NBEA: variants seen among roughly 807,000 people sequenced by gnomAD.
NBEA encodes the protein neurobeachin, also known as lysosomal-trafficking regulator 2.
NBEA carries 44 observed loss-of-function variants against 343.4 expected under a neutral mutation model. The observed-to-expected ratio is 0.13, with a 90% confidence interval of 0.10 to 0.16. The LOEUF (loss-of-function observed/expected upper bound fraction) is 0.16. Among genes scored for constraint, NBEA ranks in the 10% least tolerant of loss-of-function variants. The pLI, the probability that NBEA is intolerant of heterozygous loss-of-function variation, is 1.00. For synonymous variants in NBEA, 1,175 were observed against 1,238.7 expected (o/e 0.95, Z 1.08); for missense variants, 2,555 against 3,631.3 (o/e 0.70, Z 7.62).
chr13:35,030,080 C>T (rs1452848812), intron 1 of NBEA, among the ~76,000 whole-genome samples: 1 of 151,640 alleles, frequency 6.6e-6, no homozygotes, highest in East Asian at 1.9e-4. Context: ...TATATATGGT[C>T]ACAGTGATTT....
intron 49 of NBEA, among the ~76,000 whole-genome samples, chr13:35,634,175 T>A (rs531242002): frequency 1.3e-5 from 2 of 152,186 alleles, no homozygotes; most frequent in East Asian, 3.9e-4. Context: ...AAACCCCATC[T>A]CTACTAAAAA....
At chr13:35,195,408 GT>G (rs1481947302) in intron 30 of NBEA, among the ~76,000 whole-genome samples, 1 of 146,242 alleles carries the variant, frequency 6.8e-6, no homozygotes, top group Non-Finnish European at 1.5e-5. Context: ...TTTTTTTTTT[GT>G]TTTTTTGAGA....
chr13:35,233,648 G>T (rs555821205), intron 34 of NBEA, among the ~76,000 whole-genome samples: 2 of 152,126 alleles, frequency 1.3e-5, no homozygotes, highest in African/African-American at 2.4e-5. Flanking sequence ...GTTTCCAAAA[G>T]TACTGAGTTC....
chr13:35,457,540 A>G (rs1182583125), intron 40 of NBEA, among the ~76,000 whole-genome samples: 1 of 152,204 alleles, frequency 6.6e-6, no homozygotes, highest in African/African-American at 2.4e-5. Flanking sequence ...AATCATAGAT[A>G]GACTTTAGTG....
chr13:35,022,334 C>T (rs983181927), intron 1 of NBEA, among the ~76,000 whole-genome samples: 1 of 152,002 alleles, frequency 6.6e-6, no homozygotes, highest in Non-Finnish European at 1.5e-5. Context: ...TTTCCCTTCC[C>T]TAGAGTTTTT....
At chr13:35,004,501 A>T (rs915900132) in intron 1 of NBEA, among the ~76,000 whole-genome samples, 3 of 152,232 alleles carry the variant, frequency 2.0e-5, no homozygotes, top group African/African-American at 7.2e-5. Context: ...AGACTCTGGT[A>T]TGCTGCTACC....
intron 1 of NBEA, among the ~76,000 whole-genome samples, chr13:35,025,422 G>A (rs116851763): frequency 0.015 from 2,243 of 152,196 alleles, 28 homozygotes; most frequent in South Asian, 0.032. Flanking sequence ...TTGAGTTAGG[G>A]AGTCCTTTCC....
At chr13:34,966,033 T>C (rs2059810541) in intron 1 of NBEA, among the ~76,000 whole-genome samples, 1 of 152,062 alleles carries the variant, frequency 6.6e-6, no homozygotes, top group South Asian at 2.1e-4. Context: ...ACATGTTTAT[T>C]TCAGAAATGT....
chr13:35,173,604 C>G lies in NBEA; in HGVS notation c.4554+10C>G. 3 of 1,587,426 alleles carry G rather than the reference C, an allele frequency of 1.9e-6. No individual in the cohort carries two copies. The highest frequency in any genetic ancestry group is 2.6e-6 in the Non-Finnish European group (3 of 1,169,372). ...TACAGCAGCTTCGAAGGTAAGTAAA[C>G]TTTTTTTCTTGGCCAAATATAATTT... On this transcript the variant is annotated intron_variant, in intron 27 of 58. Transcript: ENST00000379939.
chr13:35,345,660 G>A (rs2039829756), intron 36 of NBEA, among the ~76,000 whole-genome samples: 1 of 152,018 alleles, frequency 6.6e-6, no homozygotes, highest in African/African-American at 2.4e-5. Flanking sequence ...CAGTGCAGCA[G>A]GTAGATCAGG....
At chr13:35,120,565 T>A (rs779495117) in intron 16 of NBEA, among the ~76,000 whole-genome samples, 1 of 152,214 alleles carries the variant, frequency 6.6e-6, no homozygotes. Flanking sequence ...TGAAGTATTT[T>A]GGGAGGAAAA....
rs1594239936 is a variant in NBEA, at chr13:35,329,801, T to G, written c.5904-19307T>G. Among the ~76,000 whole-genome samples, 4 of 71,370 alleles carry G rather than the reference T, an allele frequency of 5.6e-5. 1 individual carries two copies. The highest frequency in any genetic ancestry group is 2.1e-4 in the African/African-American group (4 of 18,994). The allele number at this position is 71,370 out of a possible 152,430, so 46.8% of individuals were successfully genotyped here. Reference sequence around the variant, plus strand: ...ACTGCATTTTAAAGGGTTAATTATATTATATGTAAATTGTGTCTTAAAAAA... The same window carrying G: ...ACTGCATTTTAAAGGGTTAATTATAGTATATGTAAATTGTGTCTTAAAAAA... On this transcript the variant is annotated intron_variant, in intron 36 of 58. Transcript: ENST00000379939.
chr13:35,081,902 T>TCA (rs1296699383), intron 10 of NBEA, among the ~76,000 whole-genome samples: 1 of 152,152 alleles, frequency 6.6e-6, no homozygotes, highest in Non-Finnish European at 1.5e-5. Flanking sequence ...TGAGTATTTA[T>TCA]CATTTCCATT....
At chr13:35,191,974 T>A (rs1037938751) in intron 30 of NBEA, among the ~76,000 whole-genome samples, 1 of 152,040 alleles carries the variant, frequency 6.6e-6, no homozygotes, top group African/African-American at 2.4e-5. Context: ...ATGTATTAGA[T>A]GAACTCATTA....
intron 38 of NBEA, among the ~76,000 whole-genome samples, chr13:35,372,878 A>G (rs1197348655): frequency 6.6e-6 from 1 of 152,128 alleles, no homozygotes; most frequent in African/African-American, 2.4e-5. Flanking sequence ...GGCAGGATGT[A>G]GTCTAATGGA....
rs552925811 is a variant in NBEA, at chr13:35,328,360, A to G, written c.5903+18768A>G. On this transcript the variant is annotated intron_variant, in intron 36 of 58. Transcript: ENST00000379939. ...CCTACAACATATTTCTGCCAAAAAAATAAAAATAAATACAGGGGGAATGGG... is the reference window on the plus strand; with the variant it reads ...CCTACAACATATTTCTGCCAAAAAAGTAAAAATAAATACAGGGGGAATGGG... Among the ~76,000 whole-genome samples the G allele has an allele frequency of 2.0e-5, 3 of 151,992 alleles. No homozygotes were observed. The East Asian group carries it at 5.8e-4, about 29-fold the overall frequency.
chr13:34,974,821 A>G (rs574040076), intron 1 of NBEA, among the ~76,000 whole-genome samples: 1 of 152,352 alleles, frequency 6.6e-6, no homozygotes, highest in Admixed American at 6.5e-5. Flanking sequence ...CTACAGCAAT[A>G]TTCTACCAGT....
At chr13:35,286,786 T>C (rs1290330758) in intron 34 of NBEA, among the ~76,000 whole-genome samples, 1 of 152,122 alleles carries the variant, frequency 6.6e-6, no homozygotes, top group Admixed American at 6.6e-5. Flanking sequence ...TGTTTTGTTT[T>C]GTTTTGTTTT....
At chr13:35,032,308 A>T (rs1038575550) in intron 1 of NBEA, among the ~76,000 whole-genome samples, 7 of 151,654 alleles carry the variant, frequency 4.6e-5, no homozygotes, top group Middle Eastern at 3.4e-3. Context: ...CTTCACCAGC[A>T]CCTGTTATTT....
Sources: allele counts gnomAD v4.1 joint callset (sites outside exome capture counted in the v4.1 genomes callset), GRCh38; gene constraint gnomAD v4.1.1; transcripts MANE v1.5; gene names NCBI Gene and HGNC (gene_info 2026-07-23, HGNC 2026-07-21).